ZCCHC14: variants seen among roughly 807,000 people sequenced by gnomAD.
ZCCHC14 encodes the protein zinc finger CCHC domain-containing protein 14.
ZCCHC14 carries 16 observed loss-of-function variants against 85.0 expected under a neutral mutation model. The ratio of observed to expected loss-of-function variants is 0.19; its 90% confidence interval spans 0.13 to 0.29. The LOEUF (loss-of-function observed/expected upper bound fraction) is 0.29, where lower values mean the gene tolerates loss of function less well. Among genes scored for constraint, ZCCHC14 ranks in the 10% least tolerant of loss-of-function variants. The probability of loss-of-function intolerance (pLI) is 1.00; values close to 1 mark genes in which losing one functional copy is unlikely to be tolerated. For synonymous variants in ZCCHC14, 775 were observed against 630.7 expected (o/e 1.23, Z -3.43); for missense variants, 1,303 against 1,443.5 (o/e 0.90, Z 1.58).
chr16:87,410,590 G>A (rs1018462123), intron 12 of ZCCHC14, among the ~76,000 whole-genome samples: 4 of 152,252 alleles, frequency 2.6e-5, no homozygotes, highest in African/African-American at 9.6e-5. Flanking sequence ...TCCTCTGGGA[G>A]TCAGGCTCTG....
At chr16:87,426,615 G>T (rs1292014038) in intron 3 of ZCCHC14, among the ~76,000 whole-genome samples, 1 of 152,170 alleles carries the variant, frequency 6.6e-6, no homozygotes, top group Non-Finnish European at 1.5e-5. Flanking sequence ...GAGCCATGCG[G>T]CCTCATTCTG....
intron 3 of ZCCHC14, among the ~76,000 whole-genome samples, chr16:87,429,020 T>C (rs1909516234): frequency 1.3e-5 from 2 of 152,362 alleles, no homozygotes; most frequent in South Asian, 2.1e-4. Context: ...TAAACACTCA[T>C]GCATGAATCT....
intron 2 of ZCCHC14, among the ~76,000 whole-genome samples, chr16:87,434,466 G>A (rs992349522): frequency 4.6e-5 from 7 of 152,228 alleles, no homozygotes; most frequent in Non-Finnish European, 1.0e-4. Flanking sequence ...AGCCTTCGCT[G>A]GGTCTGGAGG....
chr16:87,466,797 T>C (rs1310777303), intron 1 of ZCCHC14, among the ~76,000 whole-genome samples: 1 of 152,158 alleles, frequency 6.6e-6, no homozygotes, highest in Non-Finnish European at 1.5e-5. Context: ...AATGCTCAAT[T>C]CCCAGTTAGA....
intron 1 of ZCCHC14, among the ~76,000 whole-genome samples, chr16:87,478,767 C>T (rs937671052): frequency 6.6e-6 from 1 of 151,948 alleles, no homozygotes; most frequent in African/African-American, 2.4e-5. Flanking sequence ...CCACCACGCC[C>T]GGCTAATTTT....
chr16:87,443,933 AGGCT>A (rs1910305908), intron 2 of ZCCHC14, among the ~76,000 whole-genome samples: 1 of 149,610 alleles, frequency 6.7e-6, no homozygotes, highest in Non-Finnish European at 1.5e-5. Flanking sequence ...GCTCCTCAGG[AGGCT>A]GAGGCATGAG....
At position 87,455,325 on chromosome 16, in the gene ZCCHC14, C is replaced by T. The variant is rs148843707; in HGVS notation, c.694+4683G>A. Among the ~76,000 whole-genome samples the T allele has an allele frequency of 2.3e-3, 343 of 150,754 alleles. 2 individuals are homozygous for T. Among genetic ancestry groups the T allele is most frequent in the African/African-American group, 7.9e-3 (323 of 41,016 alleles). ...GCAAAAAAAAATACTGGAAAGTGAA[C>T]GACTGGCTCTCAGGAGATACCATGA... is the stretch of plus-strand genomic sequence containing the variant. On this transcript the variant is annotated intron_variant, in intron 2 of 12. Transcript: ENST00000671377.
intron 1 of ZCCHC14, among the ~76,000 whole-genome samples, chr16:87,460,903 G>A (rs1342990676): frequency 6.6e-6 from 1 of 152,174 alleles, no homozygotes; most frequent in African/African-American, 2.4e-5. Context: ...TCTATTTGGG[G>A]TACAGTTTGA....
chr16:87,456,256 C>T (rs535187950), intron 2 of ZCCHC14, among the ~76,000 whole-genome samples: 3 of 152,246 alleles, frequency 2.0e-5, no homozygotes, highest in South Asian at 2.1e-4. Context: ...TAGGGCTGGG[C>T]GCAGTGGCTC....
At chr16:87,413,843 C>T (rs1216576600) in intron 10 of ZCCHC14, among the ~76,000 whole-genome samples, 3 of 152,076 alleles carry the variant, frequency 2.0e-5, no homozygotes, top group African/African-American at 7.2e-5. Flanking sequence ...AGGCTACTCC[C>T]ATCTCATTTC....
At chr16:87,421,089 G>A (rs182467781) in intron 4 of ZCCHC14, among the ~76,000 whole-genome samples, 16 of 152,360 alleles carry the variant, frequency 1.1e-4, no homozygotes, top group East Asian at 5.8e-4. Flanking sequence ...GACAGGTTCC[G>A]ATGGACACAC....
chr16:87,422,489 C>G (rs1021760864), intron 4 of ZCCHC14, among the ~76,000 whole-genome samples: 1 of 151,698 alleles, frequency 6.6e-6, no homozygotes, highest in African/African-American at 2.4e-5. Context: ...CTCTGGGAGG[C>G]CGAGGAGGAC....
chr16:87,418,964 A>G (rs1325243726), intron 6 of ZCCHC14, 63 bp from the exon 7 acceptor site: 1 of 1,469,172 alleles, frequency 6.8e-7, no homozygotes, highest in Non-Finnish European at 9.3e-7. Context: ...GTTTTATTTT[A>G]TTATTTTTTG....
At chr16:87,438,488 G>A (rs569361244) in intron 2 of ZCCHC14, among the ~76,000 whole-genome samples, 216 of 152,292 alleles carry the variant, frequency 1.4e-3, no homozygotes, top group African/African-American at 4.8e-3. Flanking sequence ...AATGACACAC[G>A]GGAAGGAGAC....
At chr16:87,423,279 T>C (rs1346561826) in intron 4 of ZCCHC14, among the ~76,000 whole-genome samples, 2 of 152,132 alleles carry the variant, frequency 1.3e-5, no homozygotes, top group Non-Finnish European at 2.9e-5. Context: ...TTTGTAAAGA[T>C]AAACGTGGGA....
At chr16:87,485,396 G>A (rs1237191212) in intron 1 of ZCCHC14, among the ~76,000 whole-genome samples, 3 of 152,058 alleles carry the variant, frequency 2.0e-5, no homozygotes, top group African/African-American at 4.8e-5. Flanking sequence ...AATGTGTCAG[G>A]TCTCTCTACA....
chr16:87,435,350 C>A (rs1055951095), intron 2 of ZCCHC14, among the ~76,000 whole-genome samples: 2 of 152,214 alleles, frequency 1.3e-5, no homozygotes, highest in Non-Finnish European at 2.9e-5. Flanking sequence ...TAGTGGCTGC[C>A]ACGCTGGGCG....
chr16:87,433,324 C>T, intron 2 of ZCCHC14, 123 bp from the exon 3 acceptor site: 1 of 887,660 alleles, frequency 1.1e-6, no homozygotes, highest in East Asian at 2.7e-5. Context: ...TGTCCTGTCA[C>T]TTTGGTGGCA....
intron 8 of ZCCHC14, 49 bp from the exon 9 acceptor site, chr16:87,415,416 TCTGAGAACAA>T (rs1431618988): frequency 6.6e-7 from 1 of 1,524,100 alleles, no homozygotes; most frequent in Non-Finnish European, 9.0e-7. Context: ...TAAGTAGGAC[TCTGAGAACAA>T]AGAACTTGGA....
Sources: allele counts gnomAD v4.1 joint callset (sites outside exome capture counted in the v4.1 genomes callset), GRCh38; gene constraint gnomAD v4.1.1; transcripts MANE v1.5; gene names NCBI Gene and HGNC (gene_info 2026-07-23, HGNC 2026-07-21).